GABRB1: variants seen among roughly 807,000 people sequenced by gnomAD.
The protein encoded by GABRB1 is gamma-aminobutyric acid type A receptor subunit beta1.
In GABRB1, 17 loss-of-function variants were observed where a neutral mutation model predicts 51.6. The observed-to-expected ratio is 0.33, with a 90% CI of 0.23 to 0.49. The LOEUF (loss-of-function observed/expected upper bound fraction) is 0.49. GABRB1 is among the 20% of genes least tolerant of loss of function. The pLI, the probability that GABRB1 is intolerant of heterozygous loss-of-function variation, is 0.99. For synonymous variants in GABRB1, 247 were observed against 218.9 expected, an observed-to-expected ratio of 1.13 and a Z score of -1.14; for missense variants, 410 against 600.6, an observed-to-expected ratio of 0.68 and a Z score of 3.32.
chr4:47,179,984 T>C (rs1003239468), intron 4 of GABRB1, among the ~76,000 whole-genome samples: 13 of 152,248 alleles, frequency 8.5e-5, no homozygotes, highest in African/African-American at 1.4e-4. Context: ...GGCAGTAGAA[T>C]TGCTTGAGCA....
chr4:47,132,519 T>C (rs1488698871), intron 3 of GABRB1, among the ~76,000 whole-genome samples: 1 of 152,176 alleles, frequency 6.6e-6, no homozygotes, highest in East Asian at 1.9e-4. Context: ...TTGTTTTTAG[T>C]TCAAGATGGC....
chr4:47,255,533 A>G (rs1000649845), intron 4 of GABRB1, among the ~76,000 whole-genome samples: 5 of 152,212 alleles, frequency 3.3e-5, no homozygotes, highest in Non-Finnish European at 7.3e-5. Flanking sequence ...AAGAAGAATA[A>G]GTAAGGAAGT....
intron 4 of GABRB1, among the ~76,000 whole-genome samples, chr4:47,181,639 C>T (rs1272916302): frequency 2.0e-5 from 3 of 151,924 alleles, no homozygotes; most frequent in Non-Finnish European, 4.4e-5. Flanking sequence ...GTTGTAAGGG[C>T]AATAATGAGA....
intron 4 of GABRB1, among the ~76,000 whole-genome samples, chr4:47,312,180 G>A (rs979910971): frequency 5.9e-5 from 9 of 151,846 alleles, no homozygotes; most frequent in East Asian, 3.9e-4. Context: ...CAATATGACC[G>A]TTCTTTAAAG....
At chr4:47,364,483 T>A (rs1471299128) in intron 5 of GABRB1, among the ~76,000 whole-genome samples, 3 of 148,516 alleles carry the variant, frequency 2.0e-5, no homozygotes, top group Admixed American at 6.7e-5. Context: ...TTGAGGCAAA[T>A]GAAAGAATAA....
At chr4:47,132,243 GCTAA>G (rs1716448212) in intron 3 of GABRB1, among the ~76,000 whole-genome samples, 2 of 151,858 alleles carry the variant, frequency 1.3e-5, no homozygotes, top group African/African-American at 2.4e-5. Flanking sequence ...TATGTTGTAT[GCTAA>G]CTTTCTTATT....
chr4:47,199,386 G>A (rs564246459), intron 4 of GABRB1, among the ~76,000 whole-genome samples: 6 of 152,168 alleles, frequency 3.9e-5, no homozygotes, highest in South Asian at 4.2e-4. Flanking sequence ...TGAAATGTAC[G>A]ACTCATGGAT....
At chr4:47,124,773 G>A (rs905769987) in intron 3 of GABRB1, among the ~76,000 whole-genome samples, 2 of 151,968 alleles carry the variant, frequency 1.3e-5, no homozygotes, top group African/African-American at 4.8e-5. Flanking sequence ...AAGAATCAGT[G>A]AACTAAAAGA....
chr4:47,138,021 A>G (rs1244078471), intron 3 of GABRB1, among the ~76,000 whole-genome samples: 1 of 152,132 alleles, frequency 6.6e-6, no homozygotes, highest in Non-Finnish European at 1.5e-5. Context: ...CAGAAAAAGT[A>G]TTGAAAGCCT....
intron 4 of GABRB1, among the ~76,000 whole-genome samples, chr4:47,295,986 G>C (rs1170562595): frequency 6.6e-6 from 1 of 152,004 alleles, no homozygotes; most frequent in Non-Finnish European, 1.5e-5. Flanking sequence ...TTTCAACCCA[G>C]AATTTCATAT....
intron 4 of GABRB1, among the ~76,000 whole-genome samples, chr4:47,257,271 G>T (rs766742520): frequency 1.3e-5 from 2 of 152,010 alleles, no homozygotes; most frequent in Non-Finnish European, 2.9e-5. Context: ...TTCCCTTCAG[G>T]TTTAGTGATA....
intron 3 of GABRB1, among the ~76,000 whole-genome samples, chr4:47,137,695 T>G (rs1488448128): frequency 6.6e-6 from 1 of 152,132 alleles, no homozygotes. Flanking sequence ...ATCTACCAAA[T>G]GCTTATCAAC....
chr4:47,175,171 T>TTCTTTCTTTTCTTTCTCTC lies in GABRB1; in HGVS notation c.461+13706_461+13724dup, dbSNP rs1361020822. ...TCTCTCTTTTCTTCTTTCTTTATCTTTCTTTCTTTTCTTTCTCTCTCTCTC... is the reference window on the plus strand; with the variant it reads ...TCTCTCTTTTCTTCTTTCTTTATCTTTCTTTCTTTTCTTTCTCTCTCTTTCTTTTCTTTCTCTCTCTCTC... On this transcript the variant is annotated intron_variant, in intron 4 of 8. Transcript: ENST00000295454. Among the ~76,000 whole-genome samples, 883 of 151,424 alleles carry TTCTTTCTTTTCTTTCTCTC rather than the reference T, an allele frequency of 5.8e-3. 6 individuals are homozygous for TTCTTTCTTTTCTTTCTCTC. The highest frequency in any genetic ancestry group is 9.1e-3 in the Admixed American group (137 of 15,136).
intron 5 of GABRB1, among the ~76,000 whole-genome samples, chr4:47,326,398 G>A (rs1483426072): frequency 6.6e-6 from 1 of 152,136 alleles, no homozygotes; most frequent in African/African-American, 2.4e-5. Flanking sequence ...TATTTTGAGT[G>A]AGAGAGATCA....
At chr4:47,319,962 T>A (rs923917983) in intron 4 of GABRB1, among the ~76,000 whole-genome samples, 165 bp from the exon 5 acceptor site, 1 of 152,230 alleles carries the variant, frequency 6.6e-6, no homozygotes, top group Non-Finnish European at 1.5e-5. Context: ...ATCTAGATTA[T>A]CCAATTTGTT....
intron 3 of GABRB1, among the ~76,000 whole-genome samples, chr4:47,122,436 TA>T (rs1715820066): frequency 6.6e-6 from 1 of 152,044 alleles, no homozygotes; most frequent in Non-Finnish European, 1.5e-5. Flanking sequence ...ACCAGAGAAA[TA>T]TAAAGAATTG....
chr4:47,145,820 A>T (rs543246817), intron 3 of GABRB1, among the ~76,000 whole-genome samples: 1 of 152,194 alleles, frequency 6.6e-6, no homozygotes, highest in Admixed American at 6.6e-5. Flanking sequence ...AGGCTGACTC[A>T]TTCATAGATA....
intron 4 of GABRB1, among the ~76,000 whole-genome samples, chr4:47,317,526 A>G (rs1481082619): frequency 6.6e-6 from 1 of 152,010 alleles, no homozygotes; most frequent in African/African-American, 2.4e-5. Flanking sequence ...AAATTAACCC[A>G]TATGATCATA....
intron 1 of GABRB1, among the ~76,000 whole-genome samples, chr4:47,011,102 A>G (rs1286924848): frequency 6.6e-6 from 1 of 152,218 alleles, no homozygotes; most frequent in East Asian, 1.9e-4. Flanking sequence ...GACTAGTTGC[A>G]GTTTCAATGG....
Sources: gnomAD v4.1 joint callset for allele counts (sites outside exome capture counted in the v4.1 genomes callset) on GRCh38, gnomAD v4.1.1 for gene constraint, MANE v1.5 for transcripts, NCBI Gene and HGNC (gene_info 2026-07-23, HGNC 2026-07-21) for gene names.